The following SCN8A variants were observed in gnomAD, a reference collection of about 807,000 sequenced individuals.
The protein encoded by SCN8A is sodium voltage-gated channel alpha subunit 8.
SCN8A carries 30 observed loss-of-function variants against 184.1 expected under a neutral mutation model. The observed-to-expected ratio is 0.16, with a 90% CI of 0.12 to 0.22. SCN8A has a LOEUF of 0.22. Among genes scored for constraint, SCN8A ranks in the 10% least tolerant of loss-of-function variants. SCN8A has a pLI of 1.00. For missense variants in SCN8A, 1,057 were observed against 2,498.9 expected, an observed-to-expected ratio of 0.42 and a Z score of 12.30; for synonymous variants, 852 against 907.0, an observed-to-expected ratio of 0.94 and a Z score of 1.09.
In SCN8A at chr12:51,792,562, AC is replaced by A. The variant is rs571401475; in HGVS notation, c.4525-1805del. ...AGAGATTCCTGGCAGAATACACAAG[AC>A]CCCAGAAGCAGAAAACAGTGTGGCC... On this transcript the variant is annotated intron_variant, in intron 25 of 26. Coordinates refer to ENST00000627620, the MANE Select transcript of SCN8A (RefSeq NM_001330260.2). 3.3e-4 allele frequency among the ~76,000 whole-genome samples: 50 copies of A among 149,716 alleles called. No individual in the cohort carries two copies. The East Asian group carries it at 9.5e-3, about 28-fold the overall frequency.
chr12:51,608,090 G>C (rs566581251), intron 1 of SCN8A, among the ~76,000 whole-genome samples: 1 of 147,536 alleles, frequency 6.8e-6, no homozygotes, highest in African/African-American at 2.5e-5. Context: ...GCGTGATCTC[G>C]GCTCACTGCA....
chr12:51,595,527 A>C (rs1180139313), intron 1 of SCN8A, among the ~76,000 whole-genome samples: 1 of 152,216 alleles, frequency 6.6e-6, no homozygotes, highest in Non-Finnish European at 1.5e-5. Context: ...GAATCAGACA[A>C]AACTAGATTC....
chr12:51,782,396 C>G (rs371391935), intron 21 of SCN8A, among the ~76,000 whole-genome samples: 1 of 152,300 alleles, frequency 6.6e-6, no homozygotes, highest in East Asian at 1.9e-4. Context: ...GCATGTTTTC[C>G]AGAGGGAGCT....
At chr12:51,683,795 C>G (rs1941374841) in intron 2 of SCN8A, among the ~76,000 whole-genome samples, 1 of 152,172 alleles carries the variant, frequency 6.6e-6, no homozygotes. Flanking sequence ...TCCCAAGCAC[C>G]TAGAACACTG....
chr12:51,712,419 C>T (rs187946246), intron 11 of SCN8A: 55 of 756,950 alleles, frequency 7.3e-5, no homozygotes, highest in African/African-American at 1.4e-4. Flanking sequence ...GACAGCTCCT[C>T]GCGCTCTCTC....
rs554788619 is a variant in SCN8A, at chr12:51,645,220, C to T, written c.-54-17544C>T. Among the ~76,000 whole-genome samples the T allele has an allele frequency of 8.7e-5, 13 of 149,112 alleles. No homozygotes were observed. The South Asian group carries it at 2.5e-3, about 29-fold the overall frequency. ...GAGGGAGGTGGGGGGGTCAGCCCCC[C>T]GCCCGGCCAGCCGCCCCATCCGGGA... On this transcript the variant is annotated intron_variant, in intron 1 of 26. Coordinates refer to ENST00000627620, the MANE Select transcript of SCN8A (RefSeq NM_001330260.2).
chr12:51,778,579 C>A (rs182323982), intron 20 of SCN8A, among the ~76,000 whole-genome samples: 1 of 152,108 alleles, frequency 6.6e-6, no homozygotes, highest in Non-Finnish European at 1.5e-5. Context: ...TAAATCGAAA[C>A]CTTTAAACCT....
At chr12:51,595,661 G>A (rs1311053252) in intron 1 of SCN8A, among the ~76,000 whole-genome samples, 2 of 152,058 alleles carry the variant, frequency 1.3e-5, no homozygotes, top group African/African-American at 4.8e-5. Flanking sequence ...GTATTTGTGG[G>A]GATTAAATGA....
At chr12:51,728,845 C>G (rs1942195877) in intron 12 of SCN8A, among the ~76,000 whole-genome samples, 1 of 151,992 alleles carries the variant, frequency 6.6e-6, no homozygotes, top group Non-Finnish European at 1.5e-5. Context: ...GACAGCCAAA[C>G]ATGCACCCCC....
Position 51,809,767 on chromosome 12 carries a change from G to C in SCN8A, c.*2338G>C, listed in dbSNP as rs1242639916. ...TACAAATTATTAACTTATTAAATAG[G>C]AAATGGCTTCTGGCTTATGCCATTG... On this transcript the variant is annotated 3_prime_UTR_variant, in exon 27 of 27. Coordinates refer to ENST00000627620, the MANE Select transcript of SCN8A (RefSeq NM_001330260.2). 6.6e-6 allele frequency: 1 copy of C among 152,052 alleles called. No homozygotes were observed. The highest frequency in any genetic ancestry group is 1.5e-5 in the Non-Finnish European group (1 of 68,016). 9.4% of individuals were successfully genotyped at this position (152,052 alleles called of 1,614,324 possible). A position where few individuals can be genotyped will look rare whatever the true frequency, so the allele number is the denominator to read the frequency against.
At chr12:51,673,874 T>C (rs1426792525) in intron 2 of SCN8A, among the ~76,000 whole-genome samples, 1 of 152,166 alleles carries the variant, frequency 6.6e-6, no homozygotes, top group East Asian at 1.9e-4. Context: ...GGAAGGACAA[T>C]TCTATTGAAG....
Position 51,636,135 on chromosome 12 carries a change from C to T in SCN8A, c.-54-26629C>T, listed in dbSNP as rs180798910. 2.1e-3 allele frequency among the ~76,000 whole-genome samples: 325 copies of T among 152,292 alleles called. 1 individual carries two copies. Among genetic ancestry groups the T allele is most frequent in the African/African-American group, 7.6e-3 (316 of 41,548 alleles). On this transcript the variant is annotated intron_variant, in intron 1 of 26. Transcript: ENST00000627620. ...TCAGCCTCCCAAGTAGGTAGGACTA[C>T]AGGAACCCGCCACCACGCCTGGCTA...
rs2138857842 is a variant in SCN8A at position 51,762,639 on chromosome 12, A to G, written c.2507A>G (p.Asp836Gly). Residue 836 changes from aspartate to glycine, a missense_variant, in exon 15 of 27, where the codon GAC becomes GGC. Transcript: ENST00000627620. ...AGTTTAATGGAACTGAGTCTAGCAG[A>G]CGTGGAGGGGCTTTCAGTGCTGCGA... ...SLSLMELSLADVEGLSVLRSF... is the reference protein window; with the variant it reads ...SLSLMELSLAGVEGLSVLRSF... 6.8e-6 allele frequency: 11 copies of G among 1,607,264 alleles called. No homozygotes were observed. Among genetic ancestry groups the G allele is most frequent in the Non-Finnish European group, 9.3e-6 (11 of 1,178,148 alleles).
chr12:51,606,707 A>G (rs1939600592), intron 1 of SCN8A, among the ~76,000 whole-genome samples: 1 of 152,060 alleles, frequency 6.6e-6, no homozygotes, highest in Non-Finnish European at 1.5e-5. Context: ...TATTGATTGT[A>G]CCCATCCATG....
At chr12:51,699,493 C>A in intron 6 of SCN8A, 77 bp from the exon 7 acceptor site, 1 of 1,039,666 alleles carries the variant, frequency 9.6e-7, no homozygotes, top group Non-Finnish European at 1.4e-6. Context: ...GAGTAGCAGC[C>A]AGTGGCTAAG....
chr12:51,709,541 T>C (rs1159586235), intron 11 of SCN8A, among the ~76,000 whole-genome samples: 2 of 152,144 alleles, frequency 1.3e-5, no homozygotes, highest in East Asian at 1.9e-4. Flanking sequence ...CTTAGTGAGC[T>C]CAGAATTGAA....
chr12:51,739,973 C>A (rs955464066), intron 12 of SCN8A, among the ~76,000 whole-genome samples: 1 of 152,148 alleles, frequency 6.6e-6, no homozygotes, highest in Admixed American at 6.5e-5. Flanking sequence ...TAAAAGTATC[C>A]CTTTTGGGAA....
intron 26 of SCN8A, among the ~76,000 whole-genome samples, chr12:51,798,614 C>T (rs1325603954): frequency 6.6e-5 from 10 of 152,310 alleles, no homozygotes; most frequent in African/African-American, 2.4e-4. Flanking sequence ...TGCGTAACCT[C>T]CATCCCTGCC....
intron 11 of SCN8A, among the ~76,000 whole-genome samples, chr12:51,719,960 C>G (rs982143455): frequency 1.4e-4 from 21 of 151,064 alleles, no homozygotes; most frequent in Non-Finnish European, 2.9e-4. Context: ...CCTGTAGTCC[C>G]AGCTACTCGG....
Sources: allele counts gnomAD v4.1 joint callset (sites outside exome capture counted in the v4.1 genomes callset), GRCh38; gene constraint gnomAD v4.1.1; transcripts MANE v1.5; gene names NCBI Gene and HGNC (gene_info 2026-07-23, HGNC 2026-07-21).